The following HFM1 variants were observed in gnomAD, a reference collection of about 807,000 sequenced individuals.
HFM1 encodes the protein helicase for meiosis 1, also known as probable ATP-dependent DNA helicase HFM1.
A neutral mutation model predicts 192.1 loss-of-function variants in HFM1; 169 were observed. That is an observed-to-expected ratio of 0.88 (90% confidence interval 0.78 to 1.00). The LOEUF (loss-of-function observed/expected upper bound fraction) is 1.00, where lower values mean the gene tolerates loss of function less well. Ranked by LOEUF, HFM1 falls within the 50% of genes least tolerant of loss-of-function variation. HFM1 has a pLI of 0.00. For missense variants in HFM1, 1,661 were observed against 1,668.0 expected (o/e 1.00, Z 0.07); for synonymous variants, 525 against 537.8 (o/e 0.98, Z 0.33).
intron 18 of HFM1, among the ~76,000 whole-genome samples, chr1:91,347,971 A>T (rs1656365399): frequency 6.6e-6 from 1 of 152,186 alleles, no homozygotes; most frequent in African/African-American, 2.4e-5. Context: ...TATTCATATA[A>T]ACGGAATCTT....
chr1:91,297,131 A>G (rs1404623899), intron 30 of HFM1, among the ~76,000 whole-genome samples: 1 of 152,206 alleles, frequency 6.6e-6, no homozygotes, highest in Non-Finnish European at 1.5e-5. Context: ...CAAACGGCAC[A>G]CCAGGAGATT....
Position 91,401,002 on chromosome 1 carries a change from G to C in HFM1, c.71+10C>G. ...ATATACTATGCTATCAATCTTTAAGGGAGACTTACTTTTCAACTTCATCTG... is the reference window on the plus strand; with the variant it reads ...ATATACTATGCTATCAATCTTTAAGCGAGACTTACTTTTCAACTTCATCTG... On this transcript the variant is annotated intron_variant, in intron 2 of 38. Transcript: ENST00000370425. 7.2e-7 allele frequency: 1 copy of C among 1,394,138 alleles called. No homozygotes were observed. Among genetic ancestry groups the C allele is most frequent in the Non-Finnish European group, 9.9e-7 (1 of 1,011,746 alleles). 86.4% of individuals were successfully genotyped at this position (1,394,138 alleles called of 1,614,324 possible).
intron 30 of HFM1, among the ~76,000 whole-genome samples, chr1:91,297,228 G>A (rs1647772599): frequency 6.6e-6 from 1 of 152,194 alleles, no homozygotes; most frequent in African/African-American, 2.4e-5. Flanking sequence ...CTGCAAGGTG[G>A]CAGCGAGTCC....
At chr1:91,372,671 A>G (rs1359612592) in intron 13 of HFM1, among the ~76,000 whole-genome samples, 1 of 152,184 alleles carries the variant, frequency 6.6e-6, no homozygotes, top group Non-Finnish European at 1.5e-5. Context: ...CACCAACACC[A>G]CATGTATACA....
At chr1:91,388,712 G>T (rs1021913028) in intron 4 of HFM1, among the ~76,000 whole-genome samples, 1 of 152,108 alleles carries the variant, frequency 6.6e-6, no homozygotes, top group Admixed American at 6.6e-5. Flanking sequence ...TCTTAGATAT[G>T]ACACCAAAAC....
At chr1:91,332,393 T>C (rs1281681586) in intron 20 of HFM1, among the ~76,000 whole-genome samples, 1 of 152,140 alleles carries the variant, frequency 6.6e-6, no homozygotes, top group Non-Finnish European at 1.5e-5. Context: ...GAAAACTGGA[T>C]ATCCACATGC....
At chr1:91,355,324 A>G (rs1657568673) in intron 13 of HFM1, among the ~76,000 whole-genome samples, 1 of 152,144 alleles carries the variant, frequency 6.6e-6, no homozygotes, top group South Asian at 2.1e-4. Context: ...CCAAGCAACC[A>G]GAAAACAATT....
chr1:91,308,285 T>C (rs193205199), intron 30 of HFM1, among the ~76,000 whole-genome samples: 193 of 152,284 alleles, frequency 1.3e-3, no homozygotes, highest in Non-Finnish European at 2.1e-3. Flanking sequence ...CATTCTCTTA[T>C]CTCTGGGCTT....
chr1:91,350,489 C>G (rs1323886028), intron 18 of HFM1, among the ~76,000 whole-genome samples: 1 of 151,960 alleles, frequency 6.6e-6, no homozygotes, highest in Non-Finnish European at 1.5e-5. Flanking sequence ...TTTATTGGAG[C>G]TGAATTTTTT....
At chr1:91,359,896 AAC>A (rs2101815967) in intron 13 of HFM1, among the ~76,000 whole-genome samples, 1 of 152,332 alleles carries the variant, frequency 6.6e-6, no homozygotes, top group Non-Finnish European at 1.5e-5. Context: ...TACAAAGGGA[AAC>A]TCATCAAACT....
Position 91,392,783 on chromosome 1 carries a change from T to C in HFM1, c.494+1310A>G, listed in dbSNP as rs146577040. Among the ~76,000 whole-genome samples, 344 of 152,064 alleles carry C rather than the reference T, an allele frequency of 2.3e-3. 1 individual carries two copies. Among genetic ancestry groups the C allele is most frequent in the African/African-American group, 7.8e-3 (325 of 41,506 alleles). On this transcript the variant is annotated intron_variant, in intron 4 of 38. Coordinates refer to ENST00000370425, the MANE Select transcript of HFM1 (RefSeq NM_001017975.6). ...AAAAATATTCACCTCCAAAAAAAAA[T>C]GTTACGTTAAGTGAAAGAAGCCAGG...
chr1:91,351,963 T>G (rs982113052), intron 16 of HFM1, among the ~76,000 whole-genome samples: 1 of 151,984 alleles, frequency 6.6e-6, no homozygotes, highest in East Asian at 1.9e-4. Context: ...TATGAAATTG[T>G]AGAACTGTAC....
At chr1:91,400,643 G>A (rs1047542804) in intron 2 of HFM1, among the ~76,000 whole-genome samples, 2 of 152,162 alleles carry the variant, frequency 1.3e-5, no homozygotes, top group Middle Eastern at 3.4e-3. Flanking sequence ...CACCAGGCCT[G>A]GCTAATTTTT....
At position 91,360,614 on chromosome 1, in the gene HFM1, T is replaced by A. The variant is rs554382380; in HGVS notation, c.1686-7315A>T. 1.1e-4 allele frequency among the ~76,000 whole-genome samples: 16 copies of A among 152,172 alleles called. No individual in the cohort carries two copies. In the East Asian group the frequency reaches 2.5e-3, roughly 24 times the overall value. On this transcript the variant is annotated intron_variant, in intron 13 of 38. Coordinates refer to ENST00000370425, the MANE Select transcript of HFM1 (RefSeq NM_001017975.6). ...TAATACTGGAGACTTTAACAACCCA[T>A]TGACAATATTAGACAGATCACTGAG...
At chr1:91,376,452 C>T (rs749848427) in intron 11 of HFM1, among the ~76,000 whole-genome samples, 34 of 151,788 alleles carry the variant, frequency 2.2e-4, no homozygotes, top group East Asian at 3.9e-4. Context: ...TAGGGAAAAA[C>T]GGAGGAAGAA....
Position 91,380,086 on chromosome 1 carries a change from CTTA to C in HFM1, c.1006+15_1006+17del, listed in dbSNP as rs1258863164. 2.5e-6 allele frequency: 3 copies of C among 1,212,194 alleles called. No individual in the cohort carries two copies. In the African/African-American group the frequency reaches 4.7e-5, roughly 19 times the overall value. The allele number at this position is 1,212,194 out of a possible 1,614,324, so 75.1% of individuals were successfully genotyped here. A position where few individuals can be genotyped will look rare whatever the true frequency, so the allele number is the denominator to read the frequency against. On this transcript the variant is annotated intron_variant, in intron 8 of 38. Coordinates refer to ENST00000370425, the MANE Select transcript of HFM1 (RefSeq NM_001017975.6). Reference sequence around the variant, plus strand: ...TTCATTATTATAATTAGTCATCACTCTTATAATAAATACTTACTGTAAACAATT... The same window carrying C: ...TTCATTATTATAATTAGTCATCACTCTAATAAATACTTACTGTAAACAATT...
intron 30 of HFM1, among the ~76,000 whole-genome samples, chr1:91,282,381 T>C (rs923128953): frequency 5.3e-5 from 8 of 152,212 alleles, no homozygotes; most frequent in African/African-American, 1.4e-4. Context: ...TAATCTTTAA[T>C]TTCTCGGACG....
Position 91,404,789 on chromosome 1 carries a change from T to C in HFM1, c.-28+9A>G. The C allele has an allele frequency of 2.2e-6, 1 of 446,186 alleles. No individual in the cohort carries two copies. 27.6% of individuals were successfully genotyped at this position (446,186 alleles called of 1,614,324 possible). ...CCTTCCCCGCGGGCGTCCGGGCCCC[T>C]CTCCTCACCTCCCTGCGGACAGCTC... On this transcript the variant is annotated intron_variant, in intron 1 of 38. Transcript: ENST00000370425.
chr1:91,396,261 T>A, intron 3 of HFM1, 32 bp downstream of exon 3: 1 of 1,090,638 alleles, frequency 9.2e-7, no homozygotes. Context: ...ACTGTATGGG[T>A]TTGGCTTCAA....
Sources: allele counts gnomAD v4.1 joint callset (sites outside exome capture counted in the v4.1 genomes callset), GRCh38; gene constraint gnomAD v4.1.1; transcripts MANE v1.5; gene names NCBI Gene and HGNC (gene_info 2026-07-23, HGNC 2026-07-21).